Variants in PAPPA2 observed in about 807,000 individuals in gnomAD.
PAPPA2 encodes pappalysin 2.
A neutral mutation model predicts 176.4 loss-of-function variants in PAPPA2; 86 were observed. The ratio of observed to expected loss-of-function variants is 0.49; its 90% CI spans 0.41 to 0.58. The LOEUF is 0.58. PAPPA2 is among the 20% of genes least tolerant of loss of function. The probability of loss-of-function intolerance (pLI) is 0.00; values close to 1 mark genes in which losing one functional copy is unlikely to be tolerated. For missense variants in PAPPA2, 2,073 were observed against 2,256.9 expected (o/e 0.92, Z 1.65); for synonymous variants, 809 against 852.2 (o/e 0.95, Z 0.88).
Position 176,556,392 on chromosome 1 carries a change from T to C in PAPPA2, c.70T>C (p.Ser24Pro). 1 of 1,614,176 alleles carries C rather than the reference T, an allele frequency of 6.2e-7. No individual in the cohort carries two copies. The highest frequency in any genetic ancestry group is 8.5e-7 in the Non-Finnish European group (1 of 1,180,034). The stretch of plus-strand genomic sequence containing the variant: ...TGGGTGGGCACTCTGTTCTGCCAAC[T>C]CTGAGCTGGGCTGGACACGCAAGAA... Reference protein sequence around the residue: ...LAGWALCSANSELGWTRKKSL... With the variant: ...LAGWALCSANPELGWTRKKSL... The change falls in exon 2 of 23, where the codon TCT becomes CCT. Residue 24 changes from serine to proline, a missense_variant. Ser to Pro is a moderately conservative substitution (Grantham distance 74, BLOSUM62 -1). Around this residue, in one of 4 missense-constraint regions of PAPPA2, gnomAD observed 1,196 missense variants for 1,330.4 expected, o/e 0.90. Coordinates refer to ENST00000367662, the MANE Select transcript of PAPPA2 (RefSeq NM_020318.3).
intron 2 of PAPPA2, among the ~76,000 whole-genome samples, chr1:176,590,461 A>G (rs1207512359): frequency 6.6e-6 from 1 of 152,144 alleles, no homozygotes; most frequent in Non-Finnish European, 1.5e-5. Context: ...TTACTAGCAT[A>G]CCACTGGTTT....
chr1:176,579,117 A>G (rs1652815554), intron 2 of PAPPA2, among the ~76,000 whole-genome samples: 1 of 152,158 alleles, frequency 6.6e-6, no homozygotes, highest in South Asian at 2.1e-4. Context: ...AGAAGGTTCC[A>G]TAGGGGAGAG....
chr1:176,695,937 A>G, intron 7 of PAPPA2, 78 bp downstream of exon 7: 4 of 1,559,110 alleles, frequency 2.6e-6, no homozygotes, highest in Non-Finnish European at 3.5e-6. Context: ...TGGAGTAGTG[A>G]CATGGTGACA....
intron 1 of PAPPA2, among the ~76,000 whole-genome samples, chr1:176,547,639 C>T (rs1439555057): frequency 6.6e-6 from 1 of 152,176 alleles, no homozygotes; most frequent in Non-Finnish European, 1.5e-5. Flanking sequence ...TCACTATTAA[C>T]ATTTTGGACC....
intron 2 of PAPPA2, 34 bp downstream of exon 2, chr1:176,557,275 G>A: frequency 6.5e-7 from 1 of 1,531,654 alleles, no homozygotes; most frequent in Non-Finnish European, 8.8e-7. Flanking sequence ...CTGAAATCCT[G>A]AGGGTATGGC....
intron 7 of PAPPA2, among the ~76,000 whole-genome samples, chr1:176,698,418 G>A (rs1390536279): frequency 6.6e-6 from 1 of 152,098 alleles, no homozygotes; most frequent in Non-Finnish European, 1.5e-5. Context: ...AACCATTTGG[G>A]TAGATTACTT....
At chr1:176,608,550 C>T (rs1247635684) in intron 3 of PAPPA2, among the ~76,000 whole-genome samples, 1 of 152,170 alleles carries the variant, frequency 6.6e-6, no homozygotes, top group Non-Finnish European at 1.5e-5. Flanking sequence ...CCAAGGAATA[C>T]AGGTTTTCTT....
chr1:176,513,163 TCA>T (rs1648716873), intron 1 of PAPPA2, among the ~76,000 whole-genome samples: 3 of 151,020 alleles, frequency 2.0e-5, no homozygotes, highest in Non-Finnish European at 4.4e-5. Flanking sequence ...CTGTCTATCA[TCA>T]TCATCATCAT....
At chr1:176,793,764 G>A (rs1051220295) in intron 20 of PAPPA2, 95 bp downstream of exon 20, 2 of 911,982 alleles carry the variant, frequency 2.2e-6, no homozygotes, top group Non-Finnish European at 3.3e-6. Context: ...GGCTTTCAAA[G>A]CATCCTCAAA....
chr1:176,490,063 A>C (rs996801321), intron 1 of PAPPA2, among the ~76,000 whole-genome samples: 2 of 152,170 alleles, frequency 1.3e-5, no homozygotes, highest in African/African-American at 4.8e-5. Flanking sequence ...ACAGATTAGA[A>C]CAGGTGCTAC....
chr1:176,595,077 G>A lies in PAPPA2; in HGVS notation c.1473G>A (p.Leu491=), dbSNP rs552651975. 3 of 1,614,142 alleles carry A rather than the reference G, an allele frequency of 1.9e-6. No individual in the cohort carries two copies. The highest frequency in any genetic ancestry group is 2.7e-5 in the African/African-American group (2 of 75,044). The change falls in exon 3 of 23, where the codon CTG becomes CTA. Residue 491 remains leucine, a synonymous_variant. Transcript: ENST00000367662. ...GCTTTGAGCCAGAGCCTGAGATTCT[G>A]TCGCCTTTGCAGCCCCCACTCTGTG... The part of the protein sequence containing the change: ...LQGFEPEPEI[L]SPLQPPLCGQ...
At chr1:176,755,144 A>G (rs1331897871) in intron 14 of PAPPA2, among the ~76,000 whole-genome samples, 1 of 152,174 alleles carries the variant, frequency 6.6e-6, no homozygotes, top group Non-Finnish European at 1.5e-5. Flanking sequence ...AGGACTGACA[A>G]ACTCTAGGAT....
intron 3 of PAPPA2, among the ~76,000 whole-genome samples, chr1:176,662,468 T>C (rs1430646992): frequency 5.9e-5 from 9 of 152,116 alleles, no homozygotes; most frequent in Non-Finnish European, 1.3e-4. Context: ...TCTTTTCCCT[T>C]CTGTATCATT....
intron 14 of PAPPA2, among the ~76,000 whole-genome samples, chr1:176,755,525 G>T (rs1433000885): frequency 6.6e-6 from 1 of 152,230 alleles, no homozygotes; most frequent in Non-Finnish European, 1.5e-5. Flanking sequence ...TATGAATGTA[G>T]TTGGGGAAGT....
intron 1 of PAPPA2, among the ~76,000 whole-genome samples, chr1:176,501,353 G>A (rs1016408652): frequency 1.3e-5 from 2 of 152,042 alleles, no homozygotes; most frequent in Non-Finnish European, 2.9e-5. Flanking sequence ...AGAAATGACA[G>A]GTCTTTGCTA....
chr1:176,588,429 C>G (rs973700272), intron 2 of PAPPA2, among the ~76,000 whole-genome samples: 1 of 152,160 alleles, frequency 6.6e-6, no homozygotes, highest in East Asian at 1.9e-4. Context: ...TTGCCCTAGC[C>G]AGAACTTCCA....
At chr1:176,740,915 T>A (rs1662649782) in intron 14 of PAPPA2, among the ~76,000 whole-genome samples, 1 of 152,122 alleles carries the variant, frequency 6.6e-6, no homozygotes, top group African/African-American at 2.4e-5. Flanking sequence ...GGAGGTGAGA[T>A]CGCTTACTTG....
chr1:176,531,483 T>A (rs867469423), intron 1 of PAPPA2, among the ~76,000 whole-genome samples: 3 of 152,204 alleles, frequency 2.0e-5, no homozygotes, highest in Non-Finnish European at 4.4e-5. Flanking sequence ...CTATCCTAGG[T>A]GCTGGGATAG....
intron 21 of PAPPA2, among the ~76,000 whole-genome samples, chr1:176,813,790 A>C (rs1437796727): frequency 6.6e-6 from 1 of 152,160 alleles, no homozygotes; most frequent in East Asian, 1.9e-4. Flanking sequence ...CTTTAGTTTA[A>C]TTAGATCCCA....
Sources: gnomAD v4.1 joint callset for allele counts (sites outside exome capture counted in the v4.1 genomes callset) on GRCh38, gnomAD v4.1.1 for gene constraint, gnomAD v4.1.1 regional missense constraint, MANE v1.5 for transcripts, NCBI Gene and HGNC (gene_info 2026-07-23, HGNC 2026-07-21) for gene names.